Variants in GRIP1 observed in about 807,000 individuals in gnomAD.
The protein encoded by GRIP1 is glutamate receptor-interacting protein 1.
GRIP1 carries 45 observed loss-of-function variants against 129.9 expected under a neutral mutation model. That is an observed-to-expected ratio of 0.35 (90% confidence interval 0.27 to 0.44). The LOEUF (loss-of-function observed/expected upper bound fraction) is 0.44. Among genes scored for constraint, GRIP1 ranks in the 20% least tolerant of loss-of-function variants. The pLI is 1.00. For synonymous variants in GRIP1, 530 were observed against 520.8 expected (o/e 1.02, Z -0.24); for missense variants, 1,196 against 1,396.8 (o/e 0.86, Z 2.29).
rs114379794 is a variant in GRIP1 at position 67,058,221 on chromosome 12, T to C, written c.58+10829A>G. Among the ~76,000 whole-genome samples, 839 of 152,376 alleles carry C rather than the reference T, an allele frequency of 5.5e-3. 3 individuals carry two copies. Among genetic ancestry groups the C allele is most frequent in the African/African-American group, 0.019 (793 of 41,586 alleles). ...CTACTGTTTTATCATCATTGCTTTT[T>C]TAATGTACCAATAGGTGAAAACTAC... On this transcript the variant is annotated intron_variant, in intron 1 of 1. Coordinates refer to the GRIP1 transcript ENST00000643019.
At chr12:67,054,458 A>G (rs2043399294) in intron 1 of GRIP1, among the ~76,000 whole-genome samples, 1 of 152,154 alleles carries the variant, frequency 6.6e-6, no homozygotes. Context: ...GCGAAAAAAT[A>G]AAAATAAAAA....
At chr12:67,049,909 G>GT (rs2043314058) in intron 1 of GRIP1, among the ~76,000 whole-genome samples, 2 of 142,490 alleles carry the variant, frequency 1.4e-5, no homozygotes, top group South Asian at 2.2e-4. Flanking sequence ...TAAATAATTG[G>GT]TAAAAAAAAG....
intron 13 of GRIP1, among the ~76,000 whole-genome samples, chr12:66,435,366 C>A (rs758249412): frequency 2.6e-5 from 4 of 152,078 alleles, no homozygotes; most frequent in Non-Finnish European, 5.9e-5. Flanking sequence ...TCACGCCCAG[C>A]TAATTTTTGT....
intron 1 of GRIP1, among the ~76,000 whole-genome samples, chr12:66,708,436 G>C (rs1338275624): frequency 6.6e-6 from 1 of 152,010 alleles, no homozygotes; most frequent in South Asian, 2.1e-4. Context: ...TACCATACTA[G>C]AATTATATTT....
chr12:66,715,687 T>C lies in GRIP1; in HGVS notation c.-419-85351A>G, dbSNP rs567668997. 7.9e-5 allele frequency among the ~76,000 whole-genome samples: 12 copies of C among 152,170 alleles called. No individual in the cohort carries two copies. In the East Asian group the frequency reaches 2.1e-3, roughly 27 times the overall value. Reference sequence around the variant, plus strand: ...ACCTAAGACTGGTCTTGCTCAGACCTGTTCCAGAAACAATAAAAACATTAA... The same window carrying C: ...ACCTAAGACTGGTCTTGCTCAGACCCGTTCCAGAAACAATAAAAACATTAA... On this transcript the variant is annotated intron_variant, in intron 1 of 4. Transcript: ENST00000538373.
At chr12:67,051,415 T>C (rs1299471719) in intron 1 of GRIP1, among the ~76,000 whole-genome samples, 1 of 152,206 alleles carries the variant, frequency 6.6e-6, no homozygotes, top group African/African-American at 2.4e-5. Flanking sequence ...GTTCCTAATT[T>C]TTTTCAGTAA....
chr12:66,408,130 C>A lies in GRIP1; in HGVS notation c.1839-1702G>T, dbSNP rs7963480. Among the ~76,000 whole-genome samples the A allele has an allele frequency of 2.3e-3, 350 of 152,298 alleles. 3 individuals carry two copies. Among genetic ancestry groups the A allele is most frequent in the African/African-American group, 8.2e-3 (339 of 41,556 alleles). Reference sequence around the variant, plus strand: ...GAACCTGCTGCCTTGAAGGGAAGGACCCAGTCCTGGCAGCATTTTTCACCT... The same window carrying A: ...GAACCTGCTGCCTTGAAGGGAAGGAACCAGTCCTGGCAGCATTTTTCACCT... On this transcript the variant is annotated intron_variant, in intron 15 of 24. Transcript: ENST00000359742.
chr12:66,877,193 G>A (rs2040398487), intron 1 of GRIP1, among the ~76,000 whole-genome samples: 1 of 152,004 alleles, frequency 6.6e-6, no homozygotes. Context: ...CCCCATTCAT[G>A]ATGATTCTAC....
intron 1 of GRIP1, among the ~76,000 whole-genome samples, chr12:66,885,651 T>A (rs1178372935): frequency 6.6e-6 from 1 of 152,130 alleles, no homozygotes; most frequent in African/African-American, 2.4e-5. Flanking sequence ...CCAGGTGGGA[T>A]GAGATAGCTC....
At chr12:66,572,268 G>A (rs1476980231) in intron 2 of GRIP1, among the ~76,000 whole-genome samples, 3 of 152,202 alleles carry the variant, frequency 2.0e-5, no homozygotes, top group Admixed American at 2.0e-4. Context: ...TCTTCCAGGA[G>A]ATGTTAGATG....
At chr12:66,854,586 A>G (rs1279603041) in intron 1 of GRIP1, among the ~76,000 whole-genome samples, 4 of 152,038 alleles carry the variant, frequency 2.6e-5, no homozygotes, top group Non-Finnish European at 5.9e-5. Flanking sequence ...CATTATCTCC[A>G]ATACATGGCT....
chr12:66,911,001 T>C (rs1004760447), intron 1 of GRIP1, among the ~76,000 whole-genome samples: 1 of 152,214 alleles, frequency 6.6e-6, no homozygotes, highest in African/African-American at 2.4e-5. Context: ...TCAGTAAACA[T>C]TTATTGAGCA....
chr12:66,661,690 G>A (rs968612518), intron 1 of GRIP1, among the ~76,000 whole-genome samples: 9 of 151,972 alleles, frequency 5.9e-5, no homozygotes, highest in African/African-American at 1.9e-4. Flanking sequence ...ATACATTTTC[G>A]TTTTCTCAAG....
At chr12:66,822,483 G>A (rs529217996) in intron 1 of GRIP1, among the ~76,000 whole-genome samples, 50 of 152,152 alleles carry the variant, frequency 3.3e-4, no homozygotes, top group African/African-American at 5.1e-4. Context: ...CTTTTGACCC[G>A]GCAATCCCAT....
intron 16 of GRIP1, among the ~76,000 whole-genome samples, chr12:66,400,866 G>A (rs1461490581): frequency 6.6e-6 from 1 of 152,158 alleles, no homozygotes; most frequent in Non-Finnish European, 1.5e-5. Flanking sequence ...TTCCTCTCAG[G>A]CCCTAGCCAG....
chr12:66,827,298 T>C (rs1592882895), intron 1 of GRIP1, among the ~76,000 whole-genome samples: 1 of 151,804 alleles, frequency 6.6e-6, no homozygotes, highest in East Asian at 1.9e-4. Flanking sequence ...GGGCTTCAGT[T>C]TCTTACTGGC....
chr12:66,506,758 A>G (rs1038957431), intron 7 of GRIP1, among the ~76,000 whole-genome samples: 14 of 152,198 alleles, frequency 9.2e-5, no homozygotes, highest in Non-Finnish European at 2.9e-5. Flanking sequence ...TTCCTAAACT[A>G]GGGTAACTCT....
chr12:67,000,108 C>T (rs1269569232), intron 1 of GRIP1, among the ~76,000 whole-genome samples: 1 of 152,126 alleles, frequency 6.6e-6, no homozygotes, highest in East Asian at 1.9e-4. Flanking sequence ...ATTGTCACCT[C>T]GAACTAGGCA....
intron 11 of GRIP1, among the ~76,000 whole-genome samples, chr12:66,447,844 C>T (rs1235391699): frequency 2.0e-5 from 3 of 152,356 alleles, no homozygotes; most frequent in South Asian, 2.1e-4. Context: ...TCACCAATGA[C>T]TTCCTGACTT....
Sources: allele counts gnomAD v4.1 joint callset (sites outside exome capture counted in the v4.1 genomes callset), GRCh38; gene constraint gnomAD v4.1.1; transcripts MANE v1.5; gene names NCBI Gene and HGNC (gene_info 2026-07-23, HGNC 2026-07-21).